The following TBC1D5 variants were observed in gnomAD, a reference collection of about 807,000 sequenced individuals.
TBC1D5 encodes TBC1 domain family member 5.
TBC1D5 carries 75 observed loss-of-function variants against 100.3 expected under a neutral mutation model. The observed-to-expected ratio is 0.75, with a 90% CI of 0.62 to 0.91. The LOEUF (loss-of-function observed/expected upper bound fraction) is 0.91. TBC1D5 is among the 40% of genes least tolerant of loss of function. TBC1D5 has a pLI of 0.00. For missense variants in TBC1D5, 910 were observed against 942.4 expected, an observed-to-expected ratio of 0.97 and a Z score of 0.45; for synonymous variants, 323 against 325.6, an observed-to-expected ratio of 0.99 and a Z score of 0.09.
intron 14 of TBC1D5, among the ~76,000 whole-genome samples, chr3:17,299,608 C>G (rs961690971): frequency 1.3e-5 from 2 of 151,976 alleles, no homozygotes; most frequent in African/African-American, 2.4e-5. Context: ...CCTGTAATCC[C>G]AGCACTTTGA....
chr3:17,529,196 T>C (rs1217763152), intron 2 of TBC1D5, among the ~76,000 whole-genome samples: 1 of 151,956 alleles, frequency 6.6e-6, no homozygotes, highest in Non-Finnish European at 1.5e-5. Flanking sequence ...TGTGGCCCTT[T>C]AGCCACCAAC....
intron 18 of TBC1D5, among the ~76,000 whole-genome samples, chr3:17,208,308 G>A (rs1006200956): frequency 1.3e-5 from 2 of 152,230 alleles, no homozygotes; most frequent in African/African-American, 4.8e-5. Flanking sequence ...GAGTTAGCAG[G>A]GAGGTTCTGT....
At chr3:17,535,817 C>A (rs768150445) in intron 2 of TBC1D5, among the ~76,000 whole-genome samples, 4 of 151,848 alleles carry the variant, frequency 2.6e-5, no homozygotes, top group South Asian at 2.1e-4. Flanking sequence ...GATTAACACA[C>A]AAAACAAACC....
intron 3 of TBC1D5, among the ~76,000 whole-genome samples, chr3:17,433,134 T>C (rs2094473607): frequency 6.6e-6 from 1 of 152,168 alleles, no homozygotes; most frequent in South Asian, 2.1e-4. Flanking sequence ...GGTACCATGT[T>C]AGCAAATTGT....
intron 15 of TBC1D5, among the ~76,000 whole-genome samples, chr3:17,263,366 C>CAAAAAAAAAAAAAAAAAAAAA (rs71049192): frequency 1.2e-5 from 1 of 80,994 alleles, no homozygotes; most frequent in African/African-American, 4.7e-5. Context: ...ACCCTGTCTC[C>CAAAAAAAAAAAAAAAAAAAAA]AAAAAAAAAA....
intron 3 of TBC1D5, among the ~76,000 whole-genome samples, chr3:17,440,884 C>G (rs2094639598): frequency 6.6e-6 from 1 of 152,040 alleles, no homozygotes; most frequent in African/African-American, 2.4e-5. Flanking sequence ...TCAAGTAATC[C>G]ACCCGCCTTT....
chr3:17,291,127 A>G (rs1313366784), intron 15 of TBC1D5, among the ~76,000 whole-genome samples: 1 of 152,252 alleles, frequency 6.6e-6, no homozygotes, highest in Non-Finnish European at 1.5e-5. Context: ...CAAAGAGCCA[A>G]AGGCTGGGAT....
At chr3:17,699,449 C>A (rs1262323502) in intron 1 of TBC1D5, among the ~76,000 whole-genome samples, 1 of 130,014 alleles carries the variant, frequency 7.7e-6, no homozygotes, top group African/African-American at 2.9e-5. Flanking sequence ...TGCTAGATGA[C>A]GAGTTAGTGG....
chr3:17,166,840 T>C (rs1163419808), exon 21 of TBC1D5: 2 of 1,614,230 alleles, frequency 1.2e-6, no homozygotes, highest in Admixed American at 1.7e-5. Context: ...GGAGCAGTAG[T>C]GGTTGTCCGC....
intron 3 of TBC1D5, among the ~76,000 whole-genome samples, chr3:17,503,788 T>C (rs148908451): frequency 8.7e-5 from 13 of 149,946 alleles, no homozygotes; most frequent in Admixed American, 6.6e-4. Flanking sequence ...ACAAATTTCT[T>C]AGAAAAGTAA....
chr3:17,349,485 C>T (rs1372157563), intron 13 of TBC1D5, among the ~76,000 whole-genome samples: 2 of 152,168 alleles, frequency 1.3e-5, no homozygotes, highest in Non-Finnish European at 2.9e-5. Flanking sequence ...TTGAGTGATA[C>T]TTCTCATTTC....
chr3:17,383,158 C>A (rs1284652713), intron 9 of TBC1D5, among the ~76,000 whole-genome samples: 2 of 151,710 alleles, frequency 1.3e-5, no homozygotes, highest in Non-Finnish European at 2.9e-5. Flanking sequence ...CTGCTTTTAC[C>A]ATTAAGTGTT....
intron 2 of TBC1D5, among the ~76,000 whole-genome samples, chr3:17,572,348 A>C (rs1245706317): frequency 6.6e-6 from 1 of 151,224 alleles, no homozygotes; most frequent in African/African-American, 2.4e-5. Context: ...TAATCCCTCC[A>C]CTAGGAAGTC....
At chr3:17,619,433 A>C (rs2062463404) in intron 2 of TBC1D5, among the ~76,000 whole-genome samples, 1 of 152,260 alleles carries the variant, frequency 6.6e-6, no homozygotes, top group Non-Finnish European at 1.5e-5. Flanking sequence ...AGAACAGTGC[A>C]AATGAACAGA....
chr3:17,330,095 T>G (rs1462784777), intron 13 of TBC1D5, among the ~76,000 whole-genome samples: 15 of 152,092 alleles, frequency 9.9e-5, no homozygotes, highest in Admixed American at 9.2e-4. Flanking sequence ...CCCTTGCAGT[T>G]GCCCCATCAC....
chr3:17,418,735 T>C (rs1460081334), intron 4 of TBC1D5, among the ~76,000 whole-genome samples: 1 of 152,208 alleles, frequency 6.6e-6, no homozygotes, highest in Non-Finnish European at 1.5e-5. Flanking sequence ...ATACTGATGT[T>C]GTATGGGTCA....
chr3:17,525,759 T>C (rs2096126122), intron 2 of TBC1D5, among the ~76,000 whole-genome samples: 1 of 136,468 alleles, frequency 7.3e-6, no homozygotes. Flanking sequence ...GCGTCTAGTG[T>C]TTTCCTACCT....
chr3:17,273,454 A>G (rs973297634), intron 15 of TBC1D5, among the ~76,000 whole-genome samples: 1 of 152,038 alleles, frequency 6.6e-6, no homozygotes, highest in Non-Finnish European at 1.5e-5. Context: ...TACATTCCCA[A>G]TTACCCTCTG....
chr3:17,582,978 A>G (rs935487626), intron 2 of TBC1D5, among the ~76,000 whole-genome samples: 2 of 152,156 alleles, frequency 1.3e-5, no homozygotes, highest in Non-Finnish European at 2.9e-5. Context: ...AAAAAATATA[A>G]CTGCTAAATA....
Sources: gnomAD v4.1 joint callset for allele counts (sites outside exome capture counted in the v4.1 genomes callset) on GRCh38, gnomAD v4.1.1 for gene constraint, MANE v1.5 for transcripts, NCBI Gene and HGNC (gene_info 2026-07-23, HGNC 2026-07-21) for gene names.